Variants in ITPR2 observed in about 807,000 individuals in gnomAD.
ITPR2 encodes inositol 1,4,5-trisphosphate receptor type 2, also known as inositol 1,4,5-trisphosphate-gated calcium channel ITPR2.
In ITPR2, 207 loss-of-function variants were observed where a neutral mutation model predicts 317.1. That is an observed-to-expected ratio of 0.65 (90% CI 0.58 to 0.73). The LOEUF (loss-of-function observed/expected upper bound fraction) is 0.73, where lower values mean the gene tolerates loss of function less well. ITPR2 is among the 30% of genes least tolerant of loss of function. The probability of loss-of-function intolerance (pLI) is 0.00; values close to 1 mark genes in which losing one functional copy is unlikely to be tolerated. For synonymous variants in ITPR2, 1,156 were observed against 1,149.1 expected (o/e 1.01, Z -0.12); for missense variants, 2,613 against 3,284.0 (o/e 0.80, Z 4.99).
At chr12:26,345,044 C>G (rs919759266) in intron 55 of ITPR2, among the ~76,000 whole-genome samples, 1 of 152,102 alleles carries the variant, frequency 6.6e-6, no homozygotes, top group Non-Finnish European at 1.5e-5. Context: ...CCTTGTGTAT[C>G]TGCTGGTCTT....
intron 22 of ITPR2, among the ~76,000 whole-genome samples, chr12:26,629,942 T>C (rs1946710274): frequency 6.6e-6 from 1 of 152,128 alleles, no homozygotes; most frequent in Non-Finnish European, 1.5e-5. Context: ...ACTTACAGTC[T>C]AGAGGGGAAA....
At chr12:26,578,601 C>T in intron 34 of ITPR2, 112 bp downstream of exon 34, 1 of 940,972 alleles carries the variant, frequency 1.1e-6, no homozygotes, top group Non-Finnish European at 1.6e-6. Context: ...TAACAGAAAA[C>T]ATACTGGTTT....
chr12:26,694,781 A>C (rs1427659551), intron 10 of ITPR2, among the ~76,000 whole-genome samples: 1 of 152,244 alleles, frequency 6.6e-6, no homozygotes, highest in African/African-American at 2.4e-5. Context: ...AATTATAAAT[A>C]GGAGATCCAA....
chr12:26,630,056 T>C (rs543898570), intron 22 of ITPR2, among the ~76,000 whole-genome samples: 3 of 152,192 alleles, frequency 2.0e-5, no homozygotes, highest in African/African-American at 7.2e-5. Flanking sequence ...AGACAGCTCA[T>C]GGGAAAAGAG....
Position 26,431,565 on chromosome 12 carries a change from CAA to C in ITPR2, c.6770-3479_6770-3478del, listed in dbSNP as rs1941209910. Among the ~76,000 whole-genome samples, 4 of 152,296 alleles carry C rather than the reference CAA, an allele frequency of 2.6e-5. 1 individual carries two copies. The Middle Eastern group carries it at 0.014, about 518-fold the overall frequency. On this transcript the variant is annotated intron_variant, in intron 48 of 56. Transcript: ENST00000381340. ...AAAACATCAGCCCTGTACTCCTGAA[CAA>C]ATTGAAACCAAACTCTTCAAAGCCT...
At chr12:26,449,690 G>A (rs1210969877) in intron 45 of ITPR2, among the ~76,000 whole-genome samples, 13 of 152,096 alleles carry the variant, frequency 8.5e-5, no homozygotes, top group African/African-American at 2.7e-4. Flanking sequence ...AGAAAGGATG[G>A]CATGAGGAAG....
chr12:26,686,471 T>G lies in ITPR2; in HGVS notation c.1148+10A>C. The G allele has an allele frequency of 6.6e-7, 1 of 1,519,508 alleles. No homozygotes were observed. The highest frequency in any genetic ancestry group is 8.9e-7 in the Non-Finnish European group (1 of 1,127,846). The allele number at this position is 1,519,508 out of a possible 1,614,324, so 94.1% of individuals were successfully genotyped here. On this transcript the variant is annotated intron_variant, in intron 11 of 56. Coordinates refer to ENST00000381340, the MANE Select transcript of ITPR2 (RefSeq NM_002223.4). ...TCAAAGAAACATCTTTTAACCATAA[T>G]TTTTTTTACCTTGGAACCAGGCAGT...
At chr12:26,706,242 C>T (rs1036998133) in intron 9 of ITPR2, among the ~76,000 whole-genome samples, 1 of 152,102 alleles carries the variant, frequency 6.6e-6, no homozygotes, top group African/African-American at 2.4e-5. Context: ...AATTTAATAG[C>T]CAACATGTGG....
At chr12:26,590,306 G>A (rs1410237548) in intron 32 of ITPR2, among the ~76,000 whole-genome samples, 2 of 152,144 alleles carry the variant, frequency 1.3e-5, no homozygotes, top group Non-Finnish European at 2.9e-5. Flanking sequence ...ATAGTGAGGA[G>A]GTGTTTATAG....
At chr12:26,346,288 G>A (rs1274465060) in intron 55 of ITPR2, among the ~76,000 whole-genome samples, 1 of 152,176 alleles carries the variant, frequency 6.6e-6, no homozygotes, top group Non-Finnish European at 1.5e-5. Context: ...TAGAAACCTT[G>A]TAGTCATTCA....
intron 2 of ITPR2, among the ~76,000 whole-genome samples, chr12:26,768,503 G>GAAAAAAAAA (rs1949773641): frequency 2.1e-5 from 2 of 96,566 alleles, no homozygotes; most frequent in Non-Finnish European, 2.0e-5. Flanking sequence ...AAAGAAAATT[G>GAAAAAAAAA]AAATTCAGAT....
intron 37 of ITPR2, among the ~76,000 whole-genome samples, chr12:26,511,759 G>C (rs1943353035): frequency 6.6e-6 from 1 of 152,164 alleles, no homozygotes; most frequent in South Asian, 2.1e-4. Flanking sequence ...ACATGTGTGG[G>C]ACCACGTTTG....
chr12:26,829,308 T>C (rs1951061089), intron 1 of ITPR2, among the ~76,000 whole-genome samples: 1 of 152,170 alleles, frequency 6.6e-6, no homozygotes, highest in Admixed American at 6.5e-5. Flanking sequence ...AAAAATTTGA[T>C]GCACATTTGT....
rs370599538 is a variant in ITPR2 at position 26,556,566 on chromosome 12, T to TTTG, written c.4822-192_4822-191insCAA. 9.5e-4 allele frequency among the ~76,000 whole-genome samples: 129 copies of TTTG among 136,254 alleles called. 1 individual carries two copies. The highest frequency in any genetic ancestry group is 3.6e-3 in the Middle Eastern group (1 of 274). 89.4% of individuals were successfully genotyped at this position (136,254 alleles called of 152,430 possible). On this transcript the variant is annotated intron_variant, in intron 35 of 56. Coordinates refer to ENST00000381340, the MANE Select transcript of ITPR2 (RefSeq NM_002223.4). ...ATTGCCTGGGTCTCTATTTTTTTTT[T>TTTG]TGTGTGTGTGTGTGTGTGTGTGTGT... is the stretch of plus-strand genomic sequence containing the variant.
intron 10 of ITPR2, among the ~76,000 whole-genome samples, chr12:26,690,100 CA>C (rs1411698305): frequency 6.6e-6 from 1 of 152,082 alleles, no homozygotes; most frequent in East Asian, 1.9e-4. Flanking sequence ...AAGTTATGAA[CA>C]AGATCAGTCA....
At chr12:26,830,731 G>A (rs186666011) in intron 1 of ITPR2, among the ~76,000 whole-genome samples, 6 of 152,250 alleles carry the variant, frequency 3.9e-5, no homozygotes, top group African/African-American at 1.4e-4. Flanking sequence ...CTTTGTCTAG[G>A]TTTTATACTC....
intron 55 of ITPR2, among the ~76,000 whole-genome samples, chr12:26,360,423 C>A (rs1187162577): frequency 6.6e-6 from 1 of 152,170 alleles, no homozygotes; most frequent in Non-Finnish European, 1.5e-5. Context: ...TCCCAAAGCC[C>A]ATGGTCATGA....
chr12:26,782,047 G>T (rs1268057637), intron 2 of ITPR2, among the ~76,000 whole-genome samples: 79 of 68,608 alleles, frequency 1.2e-3, no homozygotes, highest in Middle Eastern at 5.7e-3. Context: ...TAGAGAGAGA[G>T]AGAGAGAGAG....
chr12:26,550,271 C>T lies in ITPR2; in HGVS notation c.5049G>A (p.Glu1683=). ...KILQTLREML[E]KKDSFVEEGN... is the part of the protein sequence containing the mutation. ...CCTCTTCCACAAAGCTGTCTTTCTTCTCTAACATTTCTCGTAATGTCTGAA... is the reference window on the plus strand; with the variant it reads ...CCTCTTCCACAAAGCTGTCTTTCTTTTCTAACATTTCTCGTAATGTCTGAA... Residue 1683 remains glutamate, a synonymous_variant, in exon 37 of 57, where the codon GAG becomes GAA. Transcript: ENST00000381340. 1 of 1,512,348 alleles carries T rather than the reference C, an allele frequency of 6.6e-7. No individual in the cohort carries two copies. The highest frequency in any genetic ancestry group is 9.1e-7 in the Non-Finnish European group (1 of 1,099,026). 93.7% of individuals were successfully genotyped at this position (1,512,348 alleles called of 1,614,324 possible). A position where few individuals can be genotyped will look rare whatever the true frequency, so the allele number is the denominator to read the frequency against.
Sources: gnomAD v4.1 joint callset for allele counts (sites outside exome capture counted in the v4.1 genomes callset) on GRCh38, gnomAD v4.1.1 for gene constraint, MANE v1.5 for transcripts, NCBI Gene and HGNC (gene_info 2026-07-23, HGNC 2026-07-21) for gene names.